TAF4B: variants seen among roughly 807,000 people sequenced by gnomAD.
TAF4B encodes the protein transcription initiation factor TFIID subunit 4B.
A neutral mutation model predicts 86.4 loss-of-function variants in TAF4B; 38 were observed. That is an observed-to-expected ratio of 0.44 (90% CI 0.34 to 0.58). The LOEUF (loss-of-function observed/expected upper bound fraction) is 0.58. TAF4B is among the 20% of genes least tolerant of loss of function. The probability of loss-of-function intolerance (pLI) is 0.02; values close to 1 mark genes in which losing one functional copy is unlikely to be tolerated. For missense variants in TAF4B, 988 were observed against 1,027.6 expected (o/e 0.96, Z 0.53); for synonymous variants, 388 against 391.2 (o/e 0.99, Z 0.10).
At chr18:26,315,155 T>TCACACACACACA (rs1484111730) in intron 9 of TAF4B, 74 bp from the exon 10 acceptor site, 47 of 465,858 alleles carry the variant, frequency 1.0e-4, no homozygotes, top group African/African-American at 4.8e-4. Flanking sequence ...TGTCTCTCTC[T>TCACACACACACA]CTCTCTCACA....
At chr18:26,305,125 G>A (rs1482333981) in intron 9 of TAF4B, among the ~76,000 whole-genome samples, 5 of 151,884 alleles carry the variant, frequency 3.3e-5, no homozygotes, top group Admixed American at 6.6e-5. Flanking sequence ...GTATCCTTTC[G>A]TATTATGAGC....
intron 10 of TAF4B, among the ~76,000 whole-genome samples, chr18:26,319,940 C>T (rs1055300917): frequency 6.6e-6 from 1 of 152,102 alleles, no homozygotes; most frequent in Non-Finnish European, 1.5e-5. Context: ...ATTTTTTTCC[C>T]TGCCTGAATC....
intron 14 of TAF4B, among the ~76,000 whole-genome samples, chr18:26,371,750 A>G (rs2057407442): frequency 6.6e-6 from 1 of 152,160 alleles, no homozygotes; most frequent in Non-Finnish European, 1.5e-5. Flanking sequence ...TCAGTAAATG[A>G]TTATACTCCC....
intron 13 of TAF4B, among the ~76,000 whole-genome samples, chr18:26,343,709 G>A (rs1354891313): frequency 6.6e-6 from 1 of 152,150 alleles, no homozygotes; most frequent in Admixed American, 6.5e-5. Flanking sequence ...AATACACTAT[G>A]TGCAGGATGC....
chr18:26,353,256 A>G (rs966505003), intron 13 of TAF4B, among the ~76,000 whole-genome samples: 1 of 152,232 alleles, frequency 6.6e-6, no homozygotes. Flanking sequence ...ATAATATACC[A>G]TGACTATGTA....
At chr18:26,298,211 GTAAT>G (rs573268786) in intron 9 of TAF4B, among the ~76,000 whole-genome samples, 115 of 151,572 alleles carry the variant, frequency 7.6e-4, no homozygotes, top group South Asian at 2.1e-3. Context: ...TGTTTTTGTT[GTAAT>G]TAATTAATTA....
intron 13 of TAF4B, among the ~76,000 whole-genome samples, chr18:26,350,636 A>G (rs1427174549): frequency 6.6e-6 from 1 of 152,216 alleles, no homozygotes; most frequent in African/African-American, 2.4e-5. Flanking sequence ...TGATCATGGT[A>G]CTACATACTA....
chr18:26,272,728 A>C (rs755482692), intron 3 of TAF4B, among the ~76,000 whole-genome samples: 3 of 152,164 alleles, frequency 2.0e-5, no homozygotes, highest in Non-Finnish European at 2.9e-5. Context: ...TTAATGACTG[A>C]TTATAAGATA....
intron 9 of TAF4B, among the ~76,000 whole-genome samples, chr18:26,310,484 A>G (rs1213256588): frequency 1.3e-5 from 2 of 152,242 alleles, no homozygotes; most frequent in Admixed American, 1.3e-4. Context: ...GCATAGAAGA[A>G]GGAATAAGCA....
intron 14 of TAF4B, among the ~76,000 whole-genome samples, chr18:26,382,942 C>T (rs1285021507): frequency 6.6e-6 from 1 of 152,184 alleles, no homozygotes; most frequent in Non-Finnish European, 1.5e-5. Flanking sequence ...ACTGGGGACA[C>T]TTGATATCCT....
At chr18:26,229,269 G>A (rs944409711) in intron 1 of TAF4B, among the ~76,000 whole-genome samples, 17 of 152,080 alleles carry the variant, frequency 1.1e-4, no homozygotes, top group African/African-American at 4.1e-4. Context: ...AAGAGAGAAA[G>A]AAGATAAGTT....
In TAF4B at chr18:26,286,392, T is replaced by C. The variant is rs369196908; in HGVS notation, c.1483T>C (p.Ser495Pro). 4 of 1,614,114 alleles carry C rather than the reference T, an allele frequency of 2.5e-6. No individual in the cohort carries two copies. Among genetic ancestry groups the C allele is most frequent in the Non-Finnish European group, 3.4e-6 (4 of 1,180,044 alleles). ...TGTTGTTTCTTCTGCTGGGACCACATCTGACAAGCCTGTTATTGGGACTCC... is the reference window on the plus strand; with the variant it reads ...TGTTGTTTCTTCTGCTGGGACCACACCTGACAAGCCTGTTATTGGGACTCC... ...KPVVSSAGTT[S>P]DKPVIGTPVQ... The change falls in exon 7 of 15, where the codon TCT becomes CCT. Residue 495 changes from serine to proline, a missense_variant. Physicochemically the swap from Ser to Pro is moderately conservative, Grantham distance 74. This residue lies in a region of TAF4B where 747 missense variants were observed against 737.9 expected (regional missense o/e 1.01). Coordinates refer to ENST00000269142, the MANE Select transcript of TAF4B (RefSeq NM_005640.3).
chr18:26,326,740 C>G (rs2057008029), intron 11 of TAF4B, among the ~76,000 whole-genome samples: 1 of 152,126 alleles, frequency 6.6e-6, no homozygotes, highest in Admixed American at 6.5e-5. Context: ...TGGCTTAATT[C>G]CTCCCCCTTC....
chr18:26,335,120 A>C lies in TAF4B; in HGVS notation c.2260-55A>C, dbSNP rs970770230. The C allele has an allele frequency of 2.0e-5, 24 of 1,225,288 alleles. No individual in the cohort carries two copies. The African/African-American group carries it at 3.5e-4, about 18-fold the overall frequency. 75.9% of individuals were successfully genotyped at this position (1,225,288 alleles called of 1,614,324 possible). ...GTCATTTATTAAATATTTAATGGCA[A>C]CTATGGTGTTCAGATGCTAGTAATT... On this transcript the variant is annotated intron_variant, in intron 12 of 14. Coordinates refer to ENST00000269142, the MANE Select transcript of TAF4B (RefSeq NM_005640.3).
Position 26,261,172 on chromosome 18 carries a change from ATTTTTTT to A in TAF4B, c.344-3977_344-3971del, listed in dbSNP as rs71169839. Among the ~76,000 whole-genome samples, 118 of 77,104 alleles carry A rather than the reference ATTTTTTT, an allele frequency of 1.5e-3. No individual in the cohort carries two copies. In the East Asian group the frequency reaches 0.032, roughly 21 times the overall value. 50.6% of individuals were successfully genotyped at this position (77,104 alleles called of 152,430 possible). On this transcript the variant is annotated intron_variant, in intron 1 of 14. Coordinates refer to ENST00000269142, the MANE Select transcript of TAF4B (RefSeq NM_005640.3). ...CACATCCTTGAACATGAGCACTGTC[ATTTTTTT>A]TTTTTTTTTTTTTTTTTTTTGAGAC...
At chr18:26,300,669 T>C (rs1423133197) in intron 9 of TAF4B, among the ~76,000 whole-genome samples, 1 of 152,096 alleles carries the variant, frequency 6.6e-6, no homozygotes, top group Non-Finnish European at 1.5e-5. Flanking sequence ...TTGATTAATA[T>C]CTCATGAGCA....
intron 1 of TAF4B, among the ~76,000 whole-genome samples, chr18:26,233,712 C>G (rs143079846): frequency 1.0e-3 from 159 of 152,296 alleles, no homozygotes; most frequent in African/African-American, 3.8e-3. Flanking sequence ...TAAACCACTT[C>G]CTCAGCCCTC....
chr18:26,243,861 T>C (rs1182145315), intron 1 of TAF4B, among the ~76,000 whole-genome samples: 1 of 152,206 alleles, frequency 6.6e-6, no homozygotes, highest in African/African-American at 2.4e-5. Flanking sequence ...CCAGACCCTG[T>C]TTGGCTGGGT....
At chr18:26,240,943 T>G (rs1187863572) in intron 1 of TAF4B, among the ~76,000 whole-genome samples, 1 of 152,200 alleles carries the variant, frequency 6.6e-6, no homozygotes, top group African/African-American at 2.4e-5. Context: ...GCCAACTTGA[T>G]CATGGTGGAA....
Sources: allele counts gnomAD v4.1 joint callset (sites outside exome capture counted in the v4.1 genomes callset), GRCh38; gene constraint gnomAD v4.1.1; regional missense constraint gnomAD v4.1.1; transcripts MANE v1.5; gene names NCBI Gene and HGNC (gene_info 2026-07-23, HGNC 2026-07-21).